The following PLXDC2 variants were observed in gnomAD, a reference collection of about 807,000 sequenced individuals.
The protein encoded by PLXDC2 is plexin domain-containing protein 2.
PLXDC2 carries 40 observed loss-of-function variants against 68.9 expected under a neutral mutation model. The observed-to-expected ratio is 0.58, with a 90% CI of 0.45 to 0.76. PLXDC2 has a LOEUF of 0.76. Among genes scored for constraint, PLXDC2 ranks in the 30% least tolerant of loss-of-function variants. The pLI, the probability that PLXDC2 is intolerant of heterozygous loss-of-function variation, is 0.00. For synonymous variants in PLXDC2, 243 were observed against 234.2 expected (o/e 1.04, Z -0.34); for missense variants, 644 against 661.9 (o/e 0.97, Z 0.30).
intron 4 of PLXDC2, among the ~76,000 whole-genome samples, chr10:20,129,502 G>C (rs1833835873): frequency 8.4e-6 from 1 of 118,404 alleles, no homozygotes; most frequent in African/African-American, 2.8e-5. Context: ...TTTTGTTTTA[G>C]GGGTCATCCC....
chr10:20,092,709 A>G (rs978253835), intron 4 of PLXDC2, among the ~76,000 whole-genome samples: 1 of 152,212 alleles, frequency 6.6e-6, no homozygotes. Context: ...GACAGGATCA[A>G]ATTAAATATC....
intron 3 of PLXDC2, among the ~76,000 whole-genome samples, chr10:20,055,383 A>C (rs1835979882): frequency 6.6e-6 from 1 of 152,068 alleles, no homozygotes; most frequent in South Asian, 2.1e-4. Flanking sequence ...GACTTTAGTA[A>C]GTTGGTTTTT....
At position 20,040,000 on chromosome 10, in the gene PLXDC2, G is replaced by A. The variant is rs1303528194; in HGVS notation, c.325-6869G>A. On this transcript the variant is annotated intron_variant, in intron 2 of 13. Transcript: ENST00000377252. ...CCAACCAGCTGAATCGACCTTTCTTGGCCAAGAGGACCTCAGAGAAACCTT... is the reference window on the plus strand; with the variant it reads ...CCAACCAGCTGAATCGACCTTTCTTAGCCAAGAGGACCTCAGAGAAACCTT... Among the ~76,000 whole-genome samples the A allele has an allele frequency of 2.6e-5, 4 of 152,256 alleles. No individual in the cohort carries two copies. The East Asian group carries it at 7.7e-4, about 29-fold the overall frequency.
At chr10:20,132,968 TTCTTTA>T (rs1833887545) in intron 4 of PLXDC2, among the ~76,000 whole-genome samples, 1 of 152,148 alleles carries the variant, frequency 6.6e-6, no homozygotes, top group Admixed American at 6.5e-5. Flanking sequence ...TTGCTTTAAC[TTCTTTA>T]TCTTTATGTC....
intron 1 of PLXDC2, among the ~76,000 whole-genome samples, chr10:19,888,165 C>CA (rs1837883578): frequency 2.0e-5 from 3 of 152,122 alleles, no homozygotes; most frequent in Non-Finnish European, 4.4e-5. Flanking sequence ...AACAAACTAG[C>CA]AGACCGGGCT....
At position 20,126,715 on chromosome 10, in the gene PLXDC2, C is replaced by CACACGTTATATATGTATATAGA. The variant is rs1589643281; in HGVS notation, c.542-16576_542-16575insGTTATATATGTATATAGAACAC. ...ACACACGTTATATATGTATATATAA[C>CACACGTTATATATGTATATAGA]ACACACGTTATATATGTATATAGAA... On this transcript the variant is annotated intron_variant, in intron 4 of 13. Coordinates refer to ENST00000377252, the MANE Select transcript of PLXDC2 (RefSeq NM_032812.9). Among the ~76,000 whole-genome samples, 3 of 11,176 alleles carry CACACGTTATATATGTATATAGA rather than the reference C, an allele frequency of 2.7e-4. No individual in the cohort carries two copies. In the African/African-American group the frequency reaches 4.6e-3, roughly 17 times the overall value. The allele number at this position is 11,176 out of a possible 152,430, so 7.3% of individuals were successfully genotyped here.
chr10:20,277,718 A>G (rs529319685), intron 13 of PLXDC2, among the ~76,000 whole-genome samples: 2 of 152,244 alleles, frequency 1.3e-5, no homozygotes, highest in Non-Finnish European at 2.9e-5. Context: ...AAATAAGATC[A>G]AATGTTTAAA....
chr10:20,081,089 A>G (rs1836548347), intron 4 of PLXDC2, among the ~76,000 whole-genome samples: 1 of 152,158 alleles, frequency 6.6e-6, no homozygotes, highest in African/African-American at 2.4e-5. Flanking sequence ...AAGAGTAATC[A>G]TTGTGAAATA....
intron 4 of PLXDC2, among the ~76,000 whole-genome samples, chr10:20,116,236 G>C (rs1161347342): frequency 6.6e-6 from 1 of 152,056 alleles, no homozygotes; most frequent in African/African-American, 2.4e-5. Context: ...AAGGTGCTAT[G>C]GGAAAAATAA....
intron 1 of PLXDC2, among the ~76,000 whole-genome samples, chr10:19,997,884 G>A (rs1834868077): frequency 6.6e-6 from 1 of 152,154 alleles, no homozygotes; most frequent in Non-Finnish European, 1.5e-5. Context: ...AAAATCTCAA[G>A]AATGTGTTAA....
chr10:20,107,193 A>G (rs1359623507), intron 4 of PLXDC2, among the ~76,000 whole-genome samples: 1 of 151,772 alleles, frequency 6.6e-6, no homozygotes, highest in Non-Finnish European at 1.5e-5. Context: ...TGCATACTGT[A>G]TATTTTCTCC....
At chr10:20,216,270 A>G (rs1835136116) in intron 10 of PLXDC2, among the ~76,000 whole-genome samples, 1 of 152,312 alleles carries the variant, frequency 6.6e-6, no homozygotes, top group South Asian at 2.1e-4. Context: ...ACAGGGATAG[A>G]TGGAAAAAGG....
chr10:19,986,423 A>G (rs1223751450), intron 1 of PLXDC2, among the ~76,000 whole-genome samples: 3 of 152,264 alleles, frequency 2.0e-5, no homozygotes, highest in Non-Finnish European at 4.4e-5. Flanking sequence ...ACAAATACAG[A>G]GAATATTTTT....
chr10:20,263,596 G>T (rs182533915), intron 13 of PLXDC2, among the ~76,000 whole-genome samples: 68 of 152,082 alleles, frequency 4.5e-4, no homozygotes, highest in Non-Finnish European at 7.5e-4. Flanking sequence ...GAAAATATTT[G>T]CAAACTATGC....
chr10:20,080,980 G>C (rs60304080), intron 4 of PLXDC2, among the ~76,000 whole-genome samples: 10,293 of 152,250 alleles, frequency 0.068, 714 homozygotes, highest in African/African-American at 0.18. Flanking sequence ...TAGTCTTAGG[G>C]GGACCTTTAA....
chr10:20,080,429 A>C (rs942314871), intron 4 of PLXDC2, among the ~76,000 whole-genome samples: 2 of 152,194 alleles, frequency 1.3e-5, no homozygotes, highest in Admixed American at 6.5e-5. Context: ...GGAAGCCAAC[A>C]GTGTAGTCTT....
chr10:19,926,950 T>G (rs775431953), intron 1 of PLXDC2, among the ~76,000 whole-genome samples: 6 of 152,212 alleles, frequency 3.9e-5, no homozygotes, highest in Non-Finnish European at 5.9e-5. Context: ...ATTGTTGTCC[T>G]AAGTCTTTCT....
chr10:19,826,873 T>C (rs1836582610), intron 1 of PLXDC2, among the ~76,000 whole-genome samples: 1 of 152,228 alleles, frequency 6.6e-6, no homozygotes, highest in African/African-American at 2.4e-5. Flanking sequence ...TGCAAAATAC[T>C]GATGGGTATG....
At chr10:19,839,395 T>C (rs746347796) in intron 1 of PLXDC2, among the ~76,000 whole-genome samples, 20 of 152,150 alleles carry the variant, frequency 1.3e-4, no homozygotes, top group Non-Finnish European at 2.6e-4. Context: ...TCAGCTATCT[T>C]CAGTGTTAGT....
Sources: allele counts gnomAD v4.1 joint callset (sites outside exome capture counted in the v4.1 genomes callset), GRCh38; gene constraint gnomAD v4.1.1; transcripts MANE v1.5; gene names NCBI Gene and HGNC (gene_info 2026-07-23, HGNC 2026-07-21).